The following TJP3 variants were observed in gnomAD, a reference collection of about 807,000 sequenced individuals.
TJP3 encodes tight junction protein 3.
In TJP3, 85 loss-of-function variants were observed where a neutral mutation model predicts 104.2. The ratio of observed to expected loss-of-function variants is 0.82; its 90% confidence interval spans 0.68 to 0.98. TJP3 has a LOEUF of 0.98. Ranked by LOEUF, TJP3 falls within the 50% of genes least tolerant of loss-of-function variation. The pLI is 0.00. For missense variants in TJP3, 1,367 were observed against 1,322.8 expected (o/e 1.03, Z -0.52); for synonymous variants, 550 against 550.6 (o/e 1.00, Z 0.02).
intron 5 of TJP3, among the ~76,000 whole-genome samples, chr19:3,731,143 T>G (rs1420588072): frequency 6.6e-6 from 1 of 152,226 alleles, no homozygotes; most frequent in Non-Finnish European, 1.5e-5. Flanking sequence ...TGGGCTAGGT[T>G]GAGCCATATC....
intron 11 of TJP3, 104 bp downstream of exon 11, chr19:3,736,425 G>A (rs1053568180): frequency 7.9e-5 from 95 of 1,200,670 alleles, no homozygotes; most frequent in Non-Finnish European, 9.8e-5. Context: ...CCTGGGGACT[G>A]TCGAGACCCC....
At chr19:3,715,053 G>C (rs531511038) in intron 1 of TJP3, among the ~76,000 whole-genome samples, 1 of 151,070 alleles carries the variant, frequency 6.6e-6, no homozygotes, top group Admixed American at 6.6e-5. Context: ...TGAGGCAACA[G>C]TAGAAAACCA....
chr19:3,737,565 A>G (rs1432578061), intron 11 of TJP3, among the ~76,000 whole-genome samples: 3 of 151,852 alleles, frequency 2.0e-5, no homozygotes, highest in South Asian at 4.2e-4. Flanking sequence ...TCCTTGCCTC[A>G]TCTCATCCCC....
chr19:3,746,498 T>C lies in TJP3; in HGVS notation c.2024T>C (p.Leu675Pro). The change falls in exon 17 of 21, where the codon CTC (leucine) becomes CCC (proline). Residue 675 changes from leucine to proline, a missense_variant. Physicochemically the swap from Leu to Pro is moderately conservative, Grantham distance 98. Coordinates refer to ENST00000541714, the MANE Select transcript of TJP3 (RefSeq NM_001267560.2). The surrounding 1 kb of genome is among the most constrained non-coding windows in gnomAD (Gnocchi z 4.1). ...RVIAEKDKHA[L>P]LDVTPSAIER... is the part of the protein sequence containing the mutation. ...GGCCTGGCCCAGGACAAGCATGCGC[T>C]CCTGGATGTGACCCCCTCCGCCATC... is the stretch of plus-strand genomic sequence containing the variant. The C allele has an allele frequency of 3.7e-6, 6 of 1,613,858 alleles. No homozygotes were observed. The highest frequency in any genetic ancestry group is 5.1e-6 in the Non-Finnish European group (6 of 1,180,002).
At chr19:3,736,440 G>A in intron 11 of TJP3, 119 bp downstream of exon 11, 1 of 1,069,890 alleles carries the variant, frequency 9.3e-7, no homozygotes, top group Non-Finnish European at 1.2e-6. Context: ...GACCCCAGAT[G>A]GGTATTTGAA....
chr19:3,712,401 C>T (rs1352123313), intron 1 of TJP3, among the ~76,000 whole-genome samples: 2 of 152,178 alleles, frequency 1.3e-5, no homozygotes, highest in Non-Finnish European at 2.9e-5. Flanking sequence ...CCCTGGGACA[C>T]TGTAATTCAC....
At chr19:3,714,023 C>CCCGTT in intron 1 of TJP3, among the ~76,000 whole-genome samples, 1 of 149,684 alleles carries the variant, frequency 6.7e-6, no homozygotes. Context: ...CCACGCCCGG[C>CCCGTT]CTATTATTAT....
At chr19:3,744,158 C>T in intron 15 of TJP3, 124 bp downstream of exon 15, 1 of 777,758 alleles carries the variant, frequency 1.3e-6, no homozygotes, top group South Asian at 1.6e-5. Flanking sequence ...CACCAGTGCC[C>T]CCCCCAATAC....
chr19:3,718,025 C>G (rs934609042), intron 1 of TJP3, among the ~76,000 whole-genome samples: 2 of 151,388 alleles, frequency 1.3e-5, no homozygotes, highest in Admixed American at 1.3e-4. Context: ...ACCATCCTGG[C>G]TAACACGGTG....
intron 1 of TJP3, among the ~76,000 whole-genome samples, chr19:3,727,291 G>T (rs2036609460): frequency 6.6e-6 from 1 of 151,952 alleles, no homozygotes; most frequent in Non-Finnish European, 1.5e-5. Flanking sequence ...GACCAGCCTG[G>T]CCAACATAGT....
intron 1 of TJP3, among the ~76,000 whole-genome samples, chr19:3,711,733 G>C (rs369195700): frequency 5.9e-5 from 1 of 16,838 alleles, no homozygotes; most frequent in African/African-American, 2.4e-4. Context: ...TCTACTAAAA[G>C]TACAAAAAAA....
chr19:3,747,736 T>G, intron 18 of TJP3, 58 bp from the exon 19 acceptor site: 1 of 1,467,948 alleles, frequency 6.8e-7, no homozygotes, highest in Admixed American at 2.4e-5. Context: ...GGGGATGTCG[T>G]GGGTGGCAGC....
At chr19:3,731,200 C>T (rs1381295449) in intron 5 of TJP3, among the ~76,000 whole-genome samples, 7 of 152,204 alleles carry the variant, frequency 4.6e-5, no homozygotes, top group Admixed American at 3.9e-4. Flanking sequence ...AACATGTCCC[C>T]GCGCTGATCC....
At chr19:3,709,570 G>C (rs964981851) in intron 1 of TJP3, among the ~76,000 whole-genome samples, 1 of 152,144 alleles carries the variant, frequency 6.6e-6, no homozygotes, top group Non-Finnish European at 1.5e-5. Flanking sequence ...CCAAGTGTCC[G>C]ATTGCATCTC....
At position 3,740,287 on chromosome 19, in the gene TJP3, A is replaced by G. The variant is rs542435226; in HGVS notation, c.1632-265A>G. 1.6e-3 allele frequency among the ~76,000 whole-genome samples: 242 copies of G among 152,250 alleles called. 1 individual carries two copies. The highest frequency in any genetic ancestry group is 5.4e-3 in the African/African-American group (223 of 41,548). ...GCTGGGCGTGGTGGCGGGCACCTGTAATCCCAGCTATTTGGGAAAGTGAGG... is the reference window on the plus strand; with the variant it reads ...GCTGGGCGTGGTGGCGGGCACCTGTGATCCCAGCTATTTGGGAAAGTGAGG... On this transcript the variant is annotated intron_variant, in intron 13 of 20. Transcript: ENST00000541714.
rs1191195464 is a variant in TJP3 at position 3,730,169 on chromosome 19, C to T, written c.261+39C>T. Reference sequence around the variant, plus strand: ...CCCTGGCATGGCCAGCATCTCTGACCCCAGCCTGGGTCGTGCCGCTGTGGG... The same window carrying T: ...CCCTGGCATGGCCAGCATCTCTGACTCCAGCCTGGGTCGTGCCGCTGTGGG... On this transcript the variant is annotated intron_variant, in intron 4 of 20. Transcript: ENST00000541714. This position sits in a 1 kb window ranked among gnomAD's most constrained non-coding sequence, Gnocchi z 7.3. 6.3e-7 allele frequency: 1 copy of T among 1,599,728 alleles called. No individual in the cohort carries two copies. Among genetic ancestry groups the T allele is most frequent in the Admixed American group, 1.7e-5 (1 of 60,014 alleles).
At chr19:3,711,487 C>T (rs1354633535) in intron 1 of TJP3, among the ~76,000 whole-genome samples, 4 of 151,292 alleles carry the variant, frequency 2.6e-5, no homozygotes, top group Non-Finnish European at 5.9e-5. Context: ...GCGTGAGCCA[C>T]CGCGTCCGGC....
chr19:3,718,689 G>C (rs1030854172), intron 1 of TJP3, among the ~76,000 whole-genome samples: 2 of 151,294 alleles, frequency 1.3e-5, no homozygotes, highest in Admixed American at 6.6e-5. Flanking sequence ...GGCTGGTCTC[G>C]AACTCCTGAC....
intron 11 of TJP3, among the ~76,000 whole-genome samples, chr19:3,737,625 C>T (rs1408482409): frequency 6.6e-6 from 1 of 152,138 alleles, no homozygotes; most frequent in Non-Finnish European, 1.5e-5. Context: ...AGTCTCACCC[C>T]CACTTTGCTC....
Sources: allele counts gnomAD v4.1 joint callset (sites outside exome capture counted in the v4.1 genomes callset), GRCh38; gene constraint gnomAD v4.1.1; non-coding constraint Gnocchi (gnomAD v3.1); transcripts MANE v1.5; gene names NCBI Gene and HGNC (gene_info 2026-07-23, HGNC 2026-07-21).